Variants in PPP6R3 observed in about 807,000 individuals in gnomAD.
PPP6R3 encodes protein phosphatase 6 regulatory subunit 3.
Under a neutral mutation model 110.7 loss-of-function variants are expected in PPP6R3, and 38 were observed. The observed-to-expected ratio is 0.34, with a 90% CI of 0.26 to 0.45. PPP6R3 has a LOEUF of 0.45. PPP6R3 is among the 20% of genes least tolerant of loss of function. PPP6R3 has a pLI of 1.00. For missense variants in PPP6R3, 870 were observed against 1,062.4 expected (o/e 0.82, Z 2.52); for synonymous variants, 369 against 373.5 (o/e 0.99, Z 0.14).
intron 2 of PPP6R3, among the ~76,000 whole-genome samples, chr11:68,532,801 G>C (rs188179342): frequency 1.3e-5 from 2 of 152,166 alleles, no homozygotes; most frequent in South Asian, 4.1e-4. Context: ...CTGTATTTCA[G>C]TACACAGTAA....
chr11:68,513,909 A>G (rs1592324920), intron 1 of PPP6R3, among the ~76,000 whole-genome samples: 13 of 152,356 alleles, frequency 8.5e-5, no homozygotes, highest in Admixed American at 6.5e-4. Context: ...GTGAAAGATA[A>G]AATTAAAGAT....
chr11:68,516,323 CTCATGTGACT>C (rs1344031579), intron 1 of PPP6R3, among the ~76,000 whole-genome samples: 1 of 152,134 alleles, frequency 6.6e-6, no homozygotes, highest in Non-Finnish European at 1.5e-5. Context: ...CACATGTGAC[CTCATGTGACT>C]GGTTGCAGTC....
chr11:68,578,844 T>C (rs1397905787), intron 14 of PPP6R3, among the ~76,000 whole-genome samples: 1 of 152,232 alleles, frequency 6.6e-6, no homozygotes, highest in Non-Finnish European at 1.5e-5. Flanking sequence ...GTTTGGAGTT[T>C]ATGATGAACA....
chr11:68,528,430 GTGT>G (rs1181281826), intron 2 of PPP6R3, among the ~76,000 whole-genome samples: 1 of 36,368 alleles, frequency 2.7e-5, no homozygotes, highest in African/African-American at 9.2e-5. Context: ...TAATTTGTGT[GTGT>G]GGGGGGGGGG....
chr11:68,610,638 TAA>T (rs1942924991), intron 23 of PPP6R3, among the ~76,000 whole-genome samples: 1 of 152,124 alleles, frequency 6.6e-6, no homozygotes, highest in Admixed American at 6.5e-5. Flanking sequence ...TGGGCCAGTC[TAA>T]GTCTCAGCCA....
chr11:68,477,741 A>AAAAATATATATAT lies in PPP6R3; in HGVS notation c.-158+16915_-158+16916insAAATATATATATA. Among the ~76,000 whole-genome samples the AAAAATATATATAT allele has an allele frequency of 2.7e-3, 156 of 57,880 alleles. 1 individual carries two copies. Among genetic ancestry groups the AAAAATATATATAT allele is most frequent in the Non-Finnish European group, 4.1e-3 (123 of 30,042 alleles). 38.0% of individuals were successfully genotyped at this position (57,880 alleles called of 152,430 possible). ...GACATTGTCTCTTAAAAAAAAAAAA[A>AAAAATATATATAT]ATATATATATATATATATATATATA... is the stretch of plus-strand genomic sequence containing the variant. On this transcript the variant is annotated intron_variant, in intron 1 of 23. Coordinates refer to ENST00000393800, the MANE Select transcript of PPP6R3 (RefSeq NM_001164161.2).
At chr11:68,474,038 A>G (rs544318402) in intron 1 of PPP6R3, among the ~76,000 whole-genome samples, 9 of 144,164 alleles carry the variant, frequency 6.2e-5, no homozygotes, top group Admixed American at 4.3e-4. Flanking sequence ...TTAAAAAGCA[A>G]TTACCTTTTT....
chr11:68,482,642 T>C (rs188209171), intron 1 of PPP6R3, among the ~76,000 whole-genome samples: 1 of 152,206 alleles, frequency 6.6e-6, no homozygotes, highest in African/African-American at 2.4e-5. Flanking sequence ...CTGACTTTGT[T>C]TTTTTGGTTT....
intron 1 of PPP6R3, among the ~76,000 whole-genome samples, chr11:68,496,456 G>A (rs1404854560): frequency 6.6e-6 from 1 of 151,964 alleles, no homozygotes; most frequent in Non-Finnish European, 1.5e-5. Flanking sequence ...GACTGTAGAT[G>A]TGTGCCACTG....
rs1352923017 is a variant in PPP6R3 at position 68,614,494 on chromosome 11, G to A, written c.*1377G>A. 1.4e-6 allele frequency: 2 copies of A among 1,408,630 alleles called. No individual in the cohort carries two copies. The highest frequency in any genetic ancestry group is 2.6e-4 in the Middle Eastern group (1 of 3,854). 87.3% of individuals were successfully genotyped at this position (1,408,630 alleles called of 1,614,324 possible). On this transcript the variant is annotated 3_prime_UTR_variant, in exon 24 of 24. Transcript: ENST00000393800. ...TCCTGACCAGTATTTAAAACCAAAAGGATATTCTGAAAAATGGCCAACAAT... is the reference window on the plus strand; with the variant it reads ...TCCTGACCAGTATTTAAAACCAAAAAGATATTCTGAAAAATGGCCAACAAT...
intron 1 of PPP6R3, among the ~76,000 whole-genome samples, chr11:68,462,627 C>A (rs2098716239): frequency 6.6e-6 from 1 of 152,202 alleles, no homozygotes; most frequent in Non-Finnish European, 1.5e-5. Flanking sequence ...TAGCTTTTGT[C>A]CTGGAGGGAT....
chr11:68,600,052 G>T (rs1314824145), intron 19 of PPP6R3, among the ~76,000 whole-genome samples: 1 of 152,170 alleles, frequency 6.6e-6, no homozygotes, highest in Non-Finnish European at 1.5e-5. Context: ...AACCCGGGAG[G>T]CGGAGCTTGC....
chr11:68,540,852 A>G (rs996374804), intron 3 of PPP6R3, among the ~76,000 whole-genome samples: 8 of 152,208 alleles, frequency 5.3e-5, no homozygotes, highest in African/African-American at 1.7e-4. Context: ...GTTTAAGGTT[A>G]TCTGTCTTGT....
At chr11:68,582,213 C>T (rs1027842042) in intron 14 of PPP6R3, among the ~76,000 whole-genome samples, 4 of 152,172 alleles carry the variant, frequency 2.6e-5, no homozygotes, top group Non-Finnish European at 4.4e-5. Flanking sequence ...GTAAGTTACC[C>T]GCAGAAATAT....
intron 5 of PPP6R3, among the ~76,000 whole-genome samples, chr11:68,549,991 G>A (rs1327068587): frequency 2.6e-5 from 4 of 152,124 alleles, no homozygotes; most frequent in African/African-American, 9.7e-5. Context: ...TTCTCCTGTA[G>A]TGGTCAGGAA....
intron 14 of PPP6R3, among the ~76,000 whole-genome samples, chr11:68,579,000 T>C (rs893655433): frequency 6.6e-6 from 1 of 152,230 alleles, no homozygotes; most frequent in Non-Finnish European, 1.5e-5. Flanking sequence ...GTTTGTTTCA[T>C]TTTTTGCCCT....
At chr11:68,601,778 T>TTA in intron 20 of PPP6R3, 85 bp from the exon 21 acceptor site, 1 of 1,131,860 alleles carries the variant, frequency 8.8e-7, no homozygotes, top group Non-Finnish European at 1.3e-6. Context: ...TAACAAAAAC[T>TTA]TACTTGTAAA....
chr11:68,535,943 G>A lies in PPP6R3; in HGVS notation c.-6-1716G>A, dbSNP rs139658448. On this transcript the variant is annotated intron_variant, in intron 2 of 23. Coordinates refer to ENST00000393800, the MANE Select transcript of PPP6R3 (RefSeq NM_001164161.2). ...GATCATGCCACTGCACTCCAGCCTG[G>A]GTGACAGAGCAAGACTCTGTCTCGC... Among the ~76,000 whole-genome samples the A allele has an allele frequency of 4.8e-4, 73 of 152,090 alleles. 1 individual carries two copies. The East Asian group carries it at 0.011, about 23-fold the overall frequency.
chr11:68,608,849 T>TG (rs1167763694), intron 22 of PPP6R3, among the ~76,000 whole-genome samples: 1 of 152,190 alleles, frequency 6.6e-6, no homozygotes, highest in African/African-American at 2.4e-5. Flanking sequence ...ACACATTAGT[T>TG]GCTTTGAAGG....
Sources: gnomAD v4.1 joint callset for allele counts (sites outside exome capture counted in the v4.1 genomes callset) on GRCh38, gnomAD v4.1.1 for gene constraint, MANE v1.5 for transcripts, NCBI Gene and HGNC (gene_info 2026-07-23, HGNC 2026-07-21) for gene names.